The following SARDH variants were observed in gnomAD, a reference collection of about 807,000 sequenced individuals.
SARDH encodes the protein sarcosine dehydrogenase, mitochondrial.
Under a neutral mutation model 109.1 loss-of-function variants are expected in SARDH, and 95 were observed. The ratio of observed to expected loss-of-function variants is 0.87; its 90% confidence interval spans 0.74 to 1.03. The LOEUF is 1.03. SARDH is among the 50% of genes least tolerant of loss of function. The pLI is 0.00. For synonymous variants in SARDH, 572 were observed against 534.8 expected, an observed-to-expected ratio of 1.07 and a Z score of -0.96; for missense variants, 1,267 against 1,287.8, an observed-to-expected ratio of 0.98 and a Z score of 0.25.
At chr9:133,733,802 G>A (rs1282250791) in intron 2 of SARDH, 41 bp downstream of exon 2, 1 of 1,433,002 alleles carries the variant, frequency 7.0e-7, no homozygotes, top group Non-Finnish European at 9.2e-7. Context: ...CCCTCGCTAT[G>A]TCCTATCCTT....
chr9:133,687,086 G>C (rs129902), intron 16 of SARDH, among the ~76,000 whole-genome samples: 20,780 of 152,138 alleles, frequency 0.14, 1,887 homozygotes, highest in East Asian at 0.4. Flanking sequence ...TCTAGTCCCA[G>C]GCCCTGTACT....
chr9:133,669,497 G>A (rs1347467696), intron 19 of SARDH, among the ~76,000 whole-genome samples: 4 of 151,352 alleles, frequency 2.6e-5, no homozygotes, highest in Non-Finnish European at 4.4e-5. Flanking sequence ...TGGGCACCAC[G>A]GGAGGGCCTC....
chr9:133,726,133 G>A (rs556446786), intron 6 of SARDH, among the ~76,000 whole-genome samples: 27 of 152,180 alleles, frequency 1.8e-4, no homozygotes, highest in Non-Finnish European at 3.2e-4. Context: ...CAGGACTTTA[G>A]GAGTCTGAGG....
intron 6 of SARDH, chr9:133,725,608 G>T (rs1366135964): frequency 1.0e-5 from 4 of 381,382 alleles, no homozygotes; most frequent in South Asian, 7.6e-5. Context: ...CCCGGGAGGC[G>T]GAGGTTGCAG....
In SARDH at chr9:133,663,711, A is replaced by G; in HGVS notation, c.*178T>C. 1 of 824,084 alleles carries G rather than the reference A, an allele frequency of 1.2e-6. No homozygotes were observed. The highest frequency in any genetic ancestry group is 1.7e-5 in the South Asian group (1 of 58,120). The allele number at this position is 824,084 out of a possible 1,614,324, so 51.0% of individuals were successfully genotyped here. The stretch of plus-strand genomic sequence containing the variant: ...AGACTGCCTTCCAGTCAGTGACCAC[A>G]GGATGGGCCATCTTGGTCTCTGTCC... On this transcript the variant is annotated 3_prime_UTR_variant, in exon 21 of 21. Coordinates refer to ENST00000439388, the MANE Select transcript of SARDH (RefSeq NM_001134707.2).
chr9:133,687,596 G>C (rs891891874), intron 16 of SARDH, among the ~76,000 whole-genome samples: 1 of 151,968 alleles, frequency 6.6e-6, no homozygotes, highest in African/African-American at 2.4e-5. Flanking sequence ...CAGCACAGGG[G>C]GCTATTTGAG....
intron 14 of SARDH, 134 bp downstream of exon 14, chr9:133,696,089 C>G: frequency 1.8e-6 from 2 of 1,114,830 alleles, no homozygotes; most frequent in Admixed American, 2.2e-5. Flanking sequence ...GGGGGGAGCT[C>G]AAAGCCAGGT....
intron 3 of SARDH, among the ~76,000 whole-genome samples, chr9:133,732,157 C>T (rs767926620): frequency 6.6e-6 from 1 of 152,138 alleles, no homozygotes; most frequent in Non-Finnish European, 1.5e-5. Flanking sequence ...TTCCCTGTGG[C>T]GTGTCCCCTT....
intron 6 of SARDH, among the ~76,000 whole-genome samples, chr9:133,721,416 C>T (rs943243371): frequency 6.6e-6 from 1 of 152,226 alleles, no homozygotes; most frequent in African/African-American, 2.4e-5. Flanking sequence ...CATTCATGGA[C>T]ACAAAACATA....
rs758425065 is a variant in SARDH at position 133,666,910 on chromosome 9, G to C, written c.2496-40C>G. On this transcript the variant is annotated intron_variant, in intron 19 of 20. Coordinates refer to ENST00000439388, the MANE Select transcript of SARDH (RefSeq NM_001134707.2). The surrounding 1 kb of genome is among the most constrained non-coding windows in gnomAD (Gnocchi z 5.2). ...AGAGAAAGCTGGGGCCCCAGAAACC[G>C]CAGGGTGGGGACGCGTCCACAGCGG... The C allele has an allele frequency of 6.2e-7, 1 of 1,609,850 alleles. No individual in the cohort carries two copies. The highest frequency in any genetic ancestry group is 2.2e-5 in the East Asian group (1 of 44,790).
chr9:133,660,267 TTC>T (rs1329927681), downstream of SARDH, among the ~76,000 whole-genome samples: 7 of 152,136 alleles, frequency 4.6e-5, no homozygotes, highest in African/African-American at 7.2e-5. Flanking sequence ...GCCATGTAGT[TTC>T]TGTTTCCATT....
At chr9:133,672,819 G>A (rs937346525) in intron 17 of SARDH, among the ~76,000 whole-genome samples, 2 of 152,226 alleles carry the variant, frequency 1.3e-5, no homozygotes, top group Non-Finnish European at 2.9e-5. Flanking sequence ...CGTCGCAGAC[G>A]GGCCTTCCAG....
intron 3 of SARDH, among the ~76,000 whole-genome samples, chr9:133,732,027 A>G (rs1832701755): frequency 6.6e-6 from 1 of 152,152 alleles, no homozygotes; most frequent in South Asian, 2.1e-4. Flanking sequence ...AGCTGGGCCA[A>G]TCAGATTCTC....
chr9:133,667,013 C>T (rs1037791238), intron 19 of SARDH, 143 bp from the exon 20 acceptor site: 34 of 1,082,476 alleles, frequency 3.1e-5, no homozygotes, highest in Non-Finnish European at 4.1e-5. Flanking sequence ...ACTAGGACTA[C>T]GCTGGTCCCC....
chr9:133,660,496 T>C (rs1832398913), downstream of SARDH, among the ~76,000 whole-genome samples: 1 of 152,184 alleles, frequency 6.6e-6, no homozygotes, highest in African/African-American at 2.4e-5. Context: ...CTTTGTTACC[T>C]GAAAATGACC....
chr9:133,669,302 CCCCTCATCCTCCCTCACCCTCCCTCT>C (rs1564229650), intron 19 of SARDH, among the ~76,000 whole-genome samples: 1 of 39,318 alleles, frequency 2.5e-5, no homozygotes, highest in African/African-American at 1.1e-4. Context: ...CCCTCCCTCT[CCCCTCATCCTCCCTCACCCTCCCTCT>C]CCCTCGTCCT....
At position 133,735,674 on chromosome 9, in the gene SARDH, T is replaced by C. The variant is rs555047510; in HGVS notation, c.-30-1471A>G. On this transcript the variant is annotated intron_variant, in intron 1 of 20. Transcript: ENST00000439388. The stretch of plus-strand genomic sequence containing the variant: ...TTCCCCTGGAGAGGGCATGTGCACA[T>C]TGATTTTACCTGTCCTCAAACTGAC... Among the ~76,000 whole-genome samples, 28 of 152,310 alleles carry C rather than the reference T, an allele frequency of 1.8e-4. No homozygotes were observed. The South Asian group carries it at 4.8e-3, about 26-fold the overall frequency.
chr9:133,734,464 T>TTCATTCAC (rs1832814646), intron 1 of SARDH, among the ~76,000 whole-genome samples: 1 of 150,072 alleles, frequency 6.7e-6, no homozygotes. Context: ...CATTCACTCA[T>TTCATTCAC]TCATTCATTC....
chr9:133,672,136 C>T (rs1258781010), intron 17 of SARDH, among the ~76,000 whole-genome samples: 1 of 151,682 alleles, frequency 6.6e-6, no homozygotes, highest in African/African-American at 2.4e-5. Context: ...AGGGAGCCTC[C>T]TCCCGAGCAC....
Sources: gnomAD v4.1 joint callset for allele counts (sites outside exome capture counted in the v4.1 genomes callset) on GRCh38, gnomAD v4.1.1 for gene constraint, Gnocchi (gnomAD v3.1) non-coding constraint, MANE v1.5 for transcripts, NCBI Gene and HGNC (gene_info 2026-07-23, HGNC 2026-07-21) for gene names.